The following FAM107B variants were observed in gnomAD, a reference collection of about 807,000 sequenced individuals.
The protein encoded by FAM107B is protein FAM107B.
A neutral mutation model predicts 31.5 loss-of-function variants in FAM107B; 21 were observed. The ratio of observed to expected loss-of-function variants is 0.67; its 90% CI spans 0.47 to 0.96. The LOEUF (loss-of-function observed/expected upper bound fraction) is 0.96. Among genes scored for constraint, FAM107B ranks in the 40% least tolerant of loss-of-function variants. FAM107B has a pLI of 0.00. For synonymous variants in FAM107B, 157 were observed against 141.5 expected, an observed-to-expected ratio of 1.11 and a Z score of -0.78; for missense variants, 452 against 377.1, an observed-to-expected ratio of 1.20 and a Z score of -1.64.
At position 14,533,643 on chromosome 10, in the gene FAM107B, A is replaced by G. The variant is rs139108526; in HGVS notation, c.470-3128T>C. On this transcript the variant is annotated intron_variant, in intron 2 of 4. Transcript: ENST00000181796. ...GTCCCGCACTCCCACTTCCCCCTCAACTAGAGACAGCATAAGATGCCCACT... is the reference window on the plus strand; with the variant it reads ...GTCCCGCACTCCCACTTCCCCCTCAGCTAGAGACAGCATAAGATGCCCACT... Among the ~76,000 whole-genome samples, 90 of 152,130 alleles carry G rather than the reference A, an allele frequency of 5.9e-4. No homozygotes were observed. In the East Asian group the frequency reaches 0.016, roughly 27 times the overall value.
At chr10:14,533,288 A>G (rs947865626) in intron 2 of FAM107B, among the ~76,000 whole-genome samples, 2 of 152,152 alleles carry the variant, frequency 1.3e-5, no homozygotes, top group African/African-American at 4.8e-5. Context: ...TTTTAAAGGT[A>G]AAGTCTCTGG....
intron 2 of FAM107B, among the ~76,000 whole-genome samples, chr10:14,627,980 G>C (rs1361535407): frequency 1.3e-5 from 2 of 152,090 alleles, no homozygotes; most frequent in Non-Finnish European, 2.9e-5. Context: ...CACAGACTTG[G>C]AGTCCATGGT....
chr10:14,554,267 C>G, intron 2 of FAM107B: 13 of 434,396 alleles, frequency 3.0e-5, no homozygotes, highest in Non-Finnish European at 3.4e-5. Context: ...GTTCACAGCA[C>G]TGCAGGCATG....
intron 2 of FAM107B, among the ~76,000 whole-genome samples, chr10:14,610,693 A>G (rs1852704195): frequency 6.6e-6 from 1 of 152,256 alleles, no homozygotes; most frequent in Admixed American, 6.5e-5. Context: ...GCCTCTGTGC[A>G]TGAGCATTTG....
At chr10:14,693,639 G>A (rs759535916) in intron 1 of FAM107B, among the ~76,000 whole-genome samples, 1 of 151,994 alleles carries the variant, frequency 6.6e-6, no homozygotes, top group Non-Finnish European at 1.5e-5. Flanking sequence ...TAGCAGGAAC[G>A]GCAAATACAG....
chr10:14,558,287 A>G (rs954191773), intron 2 of FAM107B, among the ~76,000 whole-genome samples: 1 of 148,880 alleles, frequency 6.7e-6, no homozygotes, highest in Non-Finnish European at 1.5e-5. Flanking sequence ...ACGCACACAC[A>G]CACATACACG....
At chr10:14,533,992 T>C (rs1012075321) in intron 2 of FAM107B, among the ~76,000 whole-genome samples, 14 of 152,318 alleles carry the variant, frequency 9.2e-5, no homozygotes, top group Non-Finnish European at 1.5e-4. Flanking sequence ...GTAGTGCATT[T>C]AGGATTTCAG....
At chr10:14,773,792 G>A (rs905834198) in intron 1 of FAM107B, among the ~76,000 whole-genome samples, 16 of 152,100 alleles carry the variant, frequency 1.1e-4, no homozygotes, top group African/African-American at 3.9e-4. Flanking sequence ...AATTTTTCCA[G>A]ACTGCTTTGA....
At chr10:14,613,131 C>T (rs1371603223) in intron 2 of FAM107B, among the ~76,000 whole-genome samples, 1 of 152,058 alleles carries the variant, frequency 6.6e-6, no homozygotes, top group Non-Finnish European at 1.5e-5. Flanking sequence ...ACCGCCATGG[C>T]CGGTTAATTT....
chr10:14,740,695 C>T (rs12247691), intron 1 of FAM107B, among the ~76,000 whole-genome samples: 16,481 of 152,022 alleles, frequency 0.11, 913 homozygotes, highest in African/African-American at 0.14. Flanking sequence ...ACTGTGTGCA[C>T]AGGGAGGGGA....
At chr10:14,670,760 T>C (rs1351277574) in intron 1 of FAM107B, among the ~76,000 whole-genome samples, 1 of 152,204 alleles carries the variant, frequency 6.6e-6, no homozygotes, top group African/African-American at 2.4e-5. Flanking sequence ...CCCGCAACAA[T>C]CTGCAGAGGG....
intron 1 of FAM107B, among the ~76,000 whole-genome samples, chr10:14,679,009 C>A (rs754660685): frequency 3.3e-5 from 5 of 152,224 alleles, no homozygotes; most frequent in African/African-American, 9.7e-5. Flanking sequence ...CTGCTGGCAT[C>A]CCACAGGGGT....
chr10:14,757,443 T>TCC (rs1832953005), intron 1 of FAM107B, among the ~76,000 whole-genome samples: 1 of 152,086 alleles, frequency 6.6e-6, no homozygotes, highest in South Asian at 2.1e-4. Flanking sequence ...AATGTATCTC[T>TCC]CTCTCTCTCT....
intron 1 of FAM107B, among the ~76,000 whole-genome samples, chr10:14,671,788 A>G (rs1854551697): frequency 6.6e-6 from 1 of 151,662 alleles, no homozygotes; most frequent in Non-Finnish European, 1.5e-5. Context: ...GTTGATATCA[A>G]CTAAGCCCCA....
At chr10:14,716,705 C>G (rs1465710972) in intron 1 of FAM107B, among the ~76,000 whole-genome samples, 1 of 152,184 alleles carries the variant, frequency 6.6e-6, no homozygotes, top group Admixed American at 6.5e-5. Flanking sequence ...TTGGCTCCTC[C>G]TCAAGCACAT....
At chr10:14,773,108 G>A (rs910535665) in intron 1 of FAM107B, among the ~76,000 whole-genome samples, 24 of 152,100 alleles carry the variant, frequency 1.6e-4, no homozygotes, top group Non-Finnish European at 5.9e-5. Flanking sequence ...TGGTTTAGTG[G>A]TGCTAGAAAA....
chr10:14,527,956 T>C (rs924619758), intron 3 of FAM107B: 3 of 284,232 alleles, frequency 1.1e-5, no homozygotes. Context: ...TCTTAAGAGA[T>C]AAGATGAGAT....
chr10:14,584,542 G>C (rs574045356), intron 2 of FAM107B, among the ~76,000 whole-genome samples: 1 of 152,180 alleles, frequency 6.6e-6, no homozygotes, highest in Non-Finnish European at 1.5e-5. Context: ...TCAAGGAAGT[G>C]CATCAACTCC....
intron 2 of FAM107B, among the ~76,000 whole-genome samples, chr10:14,572,626 G>A (rs748837534): frequency 6.0e-5 from 9 of 150,432 alleles, no homozygotes; most frequent in East Asian, 1.9e-4. Context: ...CCAGAGGATC[G>A]CTTGTACCCA....
Sources: allele counts gnomAD v4.1 joint callset (sites outside exome capture counted in the v4.1 genomes callset), GRCh38; gene constraint gnomAD v4.1.1; transcripts MANE v1.5; gene names NCBI Gene and HGNC (gene_info 2026-07-23, HGNC 2026-07-21).